Variants in KREMEN1 observed in about 807,000 individuals in gnomAD.
KREMEN1 encodes kringle containing transmembrane protein 1.
A neutral mutation model predicts 46.5 loss-of-function variants in KREMEN1; 30 were observed. The ratio of observed to expected loss-of-function variants is 0.65; its 90% confidence interval spans 0.48 to 0.88. KREMEN1 has a LOEUF of 0.88. KREMEN1 is among the 40% of genes least tolerant of loss of function. KREMEN1 has a pLI of 0.00. For missense variants in KREMEN1, 533 were observed against 596.9 expected (o/e 0.89, Z 1.11); for synonymous variants, 214 against 230.6 (o/e 0.93, Z 0.65).
chr22:29,080,829 C>T (rs2037641497), intron 1 of KREMEN1, among the ~76,000 whole-genome samples: 1 of 152,020 alleles, frequency 6.6e-6, no homozygotes, highest in Non-Finnish European at 1.5e-5. Flanking sequence ...GATGCTGCTG[C>T]TAAACATCCT....
chr22:29,129,352 A>G (rs1168207966), intron 5 of KREMEN1, among the ~76,000 whole-genome samples: 1 of 152,112 alleles, frequency 6.6e-6, no homozygotes, highest in Non-Finnish European at 1.5e-5. Flanking sequence ...ATCTAAAAAA[A>G]AAAAGGTCCA....
chr22:29,077,045 A>G (rs1426480077), intron 1 of KREMEN1, among the ~76,000 whole-genome samples: 1 of 152,358 alleles, frequency 6.6e-6, no homozygotes, highest in Non-Finnish European at 1.5e-5. Context: ...AATGAGTAAG[A>G]TAAAATATAT....
chr22:29,138,897 G>A, intron 7 of KREMEN1, 115 bp downstream of exon 7: 1 of 1,437,610 alleles, frequency 7.0e-7, no homozygotes, highest in Non-Finnish European at 9.8e-7. Context: ...AGGCAGGTTG[G>A]GATACTGGCT....
At chr22:29,137,799 T>A in intron 6 of KREMEN1, 125 bp downstream of exon 6, 1 of 658,656 alleles carries the variant, frequency 1.5e-6, no homozygotes. Context: ...CTGACTCAAC[T>A]TGCAGATCAC....
At chr22:29,118,023 T>C (rs2038272638) in intron 3 of KREMEN1, among the ~76,000 whole-genome samples, 1 of 152,200 alleles carries the variant, frequency 6.6e-6, no homozygotes, top group South Asian at 2.1e-4. Flanking sequence ...AAGCCAGGTG[T>C]CTACCAGAGC....
chr22:29,094,769 G>A (rs930595619), intron 2 of KREMEN1, among the ~76,000 whole-genome samples: 9 of 151,784 alleles, frequency 5.9e-5, no homozygotes, highest in African/African-American at 1.7e-4. Flanking sequence ...GACTACAGGC[G>A]CCCGCCAACA....
At chr22:29,158,803 G>A (rs1198266083) in intron 9 of KREMEN1, among the ~76,000 whole-genome samples, 13 of 152,110 alleles carry the variant, frequency 8.5e-5, no homozygotes, top group Admixed American at 8.5e-4. Context: ...GGCAGTAGTG[G>A]TCAGCTCAAG....
At chr22:29,094,881 C>T (rs2145764153) in intron 2 of KREMEN1, among the ~76,000 whole-genome samples, 1 of 152,318 alleles carries the variant, frequency 6.6e-6, no homozygotes, top group East Asian at 1.9e-4. Flanking sequence ...GCCTCAGCCT[C>T]CCAAAGTGCT....
intron 3 of KREMEN1, among the ~76,000 whole-genome samples, chr22:29,117,728 G>A (rs1430983004): frequency 6.6e-6 from 1 of 152,126 alleles, no homozygotes; most frequent in Non-Finnish European, 1.5e-5. Flanking sequence ...ATGGAGAAAG[G>A]GAAAGGACTT....
chr22:29,073,619 C>T lies in KREMEN1; in HGVS notation c.97+392C>T, dbSNP rs2037512627. On this transcript the variant is annotated intron_variant, in intron 1 of 8. Coordinates refer to ENST00000400335, the MANE Select transcript of KREMEN1 (RefSeq NM_001039570.3). This position sits in a 1 kb window ranked among gnomAD's most constrained non-coding sequence, Gnocchi z 4.4. The stretch of plus-strand genomic sequence containing the variant: ...GCGACCCCAACCAGGCCGGGACGCC[C>T]CCTCTCCCCGGTACCTCCTGGGATC... Among the ~76,000 whole-genome samples the T allele has an allele frequency of 6.6e-6, 1 of 152,098 alleles. No individual in the cohort carries two copies. Among genetic ancestry groups the T allele is most frequent in the Admixed American group, 6.5e-5 (1 of 15,286 alleles).
intron 1 of KREMEN1, among the ~76,000 whole-genome samples, chr22:29,091,379 G>A (rs555092813): frequency 6.6e-6 from 1 of 152,290 alleles, no homozygotes; most frequent in Admixed American, 6.5e-5. Flanking sequence ...GTATAGCTAA[G>A]ACCTTCCATT....
At chr22:29,156,881 C>T (rs922082092) in intron 9 of KREMEN1, among the ~76,000 whole-genome samples, 5 of 152,222 alleles carry the variant, frequency 3.3e-5, no homozygotes, top group African/African-American at 1.2e-4. Context: ...GAGGTAGGTA[C>T]AGTTCTATTC....
chr22:29,124,556 A>T (rs2038410283), intron 4 of KREMEN1, among the ~76,000 whole-genome samples: 4 of 151,232 alleles, frequency 2.6e-5, no homozygotes, highest in Admixed American at 2.6e-4. Context: ...GCAGTGATGC[A>T]GTCTCGGCTC....
At chr22:29,149,216 G>A (rs1371117437), downstream of KREMEN1, among the ~76,000 whole-genome samples, 2 of 151,052 alleles carry the variant, frequency 1.3e-5, no homozygotes, top group Non-Finnish European at 2.9e-5. Context: ...AGGCTGGAGT[G>A]CAGTGGCGCT....
At chr22:29,120,472 T>TGGAGGAGGGAGAGGTGATGAA (rs2145811490) in intron 3 of KREMEN1, among the ~76,000 whole-genome samples, 1 of 59,064 alleles carries the variant, frequency 1.7e-5, no homozygotes, top group South Asian at 6.4e-4. Flanking sequence ...GACGTGATGA[T>TGGAGGAGGGAGAGGTGATGAA]GGAAACAGGG....
At chr22:29,122,889 C>T (rs1569327204) in intron 4 of KREMEN1, among the ~76,000 whole-genome samples, 1 of 145,850 alleles carries the variant, frequency 6.9e-6, no homozygotes, top group Non-Finnish European at 1.5e-5. Flanking sequence ...TGTAGTGAGC[C>T]GAGATCGCAC....
At chr22:29,161,469 T>G (rs565059970) in intron 9 of KREMEN1, among the ~76,000 whole-genome samples, 1 of 122,874 alleles carries the variant, frequency 8.1e-6, no homozygotes, top group South Asian at 2.6e-4. Context: ...ATTGCGCCAC[T>G]GCACTCCAGC....
Position 29,111,185 on chromosome 22 carries a change from G to C in KREMEN1, c.353-10172G>C, listed in dbSNP as rs534561354. ...TAGCCAGCCATGGTAGTACACACTG[G>C]TAGTCCCAGCTACTCGGGAGGCTGA... is the stretch of plus-strand genomic sequence containing the variant. On this transcript the variant is annotated intron_variant, in intron 3 of 8. Coordinates refer to ENST00000400335, the MANE Select transcript of KREMEN1 (RefSeq NM_001039570.3). 7.2e-5 allele frequency among the ~76,000 whole-genome samples: 11 copies of C among 151,978 alleles called. No individual in the cohort carries two copies. In the East Asian group the frequency reaches 1.7e-3, roughly 24 times the overall value.
intron 4 of KREMEN1, 126 bp from the exon 5 acceptor site, chr22:29,125,137 T>A: frequency 2.1e-6 from 2 of 956,930 alleles, no homozygotes; most frequent in Admixed American, 4.1e-5. Context: ...AAGGGGGAGG[T>A]CCCAGGGGAA....
Sources: allele counts gnomAD v4.1 joint callset (sites outside exome capture counted in the v4.1 genomes callset), GRCh38; gene constraint gnomAD v4.1.1; non-coding constraint Gnocchi (gnomAD v3.1); transcripts MANE v1.5; gene names NCBI Gene and HGNC (gene_info 2026-07-23, HGNC 2026-07-21).